Variants in UGGT2 observed in about 807,000 individuals in gnomAD.
The protein encoded by UGGT2 is UDP-glucose:glycoprotein glucosyltransferase 2.
UGGT2 carries 180 observed loss-of-function variants against 192.1 expected under a neutral mutation model. That is an observed-to-expected ratio of 0.94 (90% CI 0.83 to 1.06). UGGT2 has a LOEUF of 1.06. UGGT2 is among the 50% of genes least tolerant of loss of function. UGGT2 has a pLI of 0.00. For synonymous variants in UGGT2, 580 were observed against 591.0 expected (o/e 0.98, Z 0.27); for missense variants, 1,849 against 1,795.7 (o/e 1.03, Z -0.54).
Position 96,053,261 on chromosome 13 carries a change from C to A in UGGT2, c.52G>T (p.Ala18Ser). The A allele has an allele frequency of 6.4e-7, 1 of 1,570,050 alleles. No individual in the cohort carries two copies. Among genetic ancestry groups the A allele is most frequent in the Non-Finnish European group, 8.6e-7 (1 of 1,165,956 alleles). ...NVVRLLLGST[A>S]LWLSQLGSGT... The stretch of plus-strand genomic sequence containing the variant: ...GAGCCGAGCTGCGAAAGCCACAGCG[C>A]TGTGGAGCCTAGTAGCAGCCGCACC... The change falls in exon 1 of 39, where the codon GCG becomes TCG. Residue 18 changes from alanine to serine, a missense_variant. Physicochemically the swap from Ala to Ser is moderately conservative, Grantham distance 99. Transcript: ENST00000376747.
At position 95,884,504 on chromosome 13, in the gene UGGT2, A is replaced by T; in HGVS notation, c.3215T>A (p.Ile1072Asn). 2 of 1,610,816 alleles carry T rather than the reference A, an allele frequency of 1.2e-6. No individual in the cohort carries two copies. Among genetic ancestry groups the T allele is most frequent in the Non-Finnish European group, 8.5e-7 (1 of 1,178,838 alleles). Reference protein sequence around the residue: ...TVHSNCDLDNIHLKDTEKTVT... With the variant: ...TVHSNCDLDNNHLKDTEKTVT... ...ACAATAACTTACATCCTTTAAGTGA[A>T]TATTATCAAGGTCACAGTTGCTGTG... is the stretch of plus-strand genomic sequence containing the variant. Residue 1072 changes from isoleucine to asparagine, a missense_variant, in exon 27 of 39, where the codon ATT becomes AAT. Transcript: ENST00000376747.
At chr13:95,991,875 G>A (rs1039782125) in intron 7 of UGGT2, among the ~76,000 whole-genome samples, 1 of 152,178 alleles carries the variant, frequency 6.6e-6, no homozygotes, top group African/African-American at 2.4e-5. Context: ...CACTGTGGAA[G>A]ACTAATTTTG....
chr13:95,830,838 T>C (rs947454449), intron 38 of UGGT2, among the ~76,000 whole-genome samples: 22 of 152,202 alleles, frequency 1.4e-4, no homozygotes, highest in African/African-American at 3.9e-4. Context: ...CATATGTTTA[T>C]TGCGGCACTA....
intron 12 of UGGT2, among the ~76,000 whole-genome samples, chr13:95,968,665 G>C (rs2050667523): frequency 6.6e-6 from 1 of 152,122 alleles, no homozygotes; most frequent in South Asian, 2.1e-4. Flanking sequence ...GCTCCCAGAA[G>C]CCAAACAGAT....
intron 38 of UGGT2, among the ~76,000 whole-genome samples, chr13:95,828,080 A>G (rs773738167): frequency 2.6e-5 from 4 of 152,270 alleles, no homozygotes; most frequent in Non-Finnish European, 5.9e-5. Flanking sequence ...TTGAGTTTTC[A>G]TTCTGTTTCC....
At chr13:95,969,751 C>T (rs1291122917) in intron 12 of UGGT2, among the ~76,000 whole-genome samples, 1 of 152,208 alleles carries the variant, frequency 6.6e-6, no homozygotes, top group Non-Finnish European at 1.5e-5. Flanking sequence ...GAGGCCGCTG[C>T]AAATTGTTTC....
At chr13:95,881,970 A>G (rs954184937) in intron 27 of UGGT2, among the ~76,000 whole-genome samples, 2 of 150,174 alleles carry the variant, frequency 1.3e-5, no homozygotes, top group African/African-American at 4.9e-5. Flanking sequence ...GTGCCATGGC[A>G]CAGTCTTGGC....
intron 20 of UGGT2, among the ~76,000 whole-genome samples, chr13:95,924,686 G>A (rs1459338389): frequency 6.6e-6 from 1 of 152,022 alleles, no homozygotes; most frequent in Admixed American, 6.6e-5. Context: ...TTGTGGCTCA[G>A]TCTTTATCTC....
intron 5 of UGGT2, among the ~76,000 whole-genome samples, chr13:96,010,053 A>T (rs1187753281): frequency 6.6e-6 from 1 of 152,152 alleles, no homozygotes; most frequent in Non-Finnish European, 1.5e-5. Flanking sequence ...GTGGTACTGT[A>T]AACTAGTTCA....
chr13:95,823,190 C>T (rs986231836), intron 38 of UGGT2, among the ~76,000 whole-genome samples: 3 of 151,938 alleles, frequency 2.0e-5, no homozygotes, highest in Non-Finnish European at 1.5e-5. Context: ...TTTATTGAGA[C>T]TTGTTTTGTG....
intron 8 of UGGT2, among the ~76,000 whole-genome samples, chr13:95,987,083 C>G (rs1412611040): frequency 1.3e-5 from 2 of 152,074 alleles, no homozygotes; most frequent in Non-Finnish European, 2.9e-5. Flanking sequence ...CAGATTGTTT[C>G]TCCTTTAGCT....
chr13:96,024,632 T>C (rs2052610926), intron 2 of UGGT2, among the ~76,000 whole-genome samples: 1 of 152,234 alleles, frequency 6.6e-6, no homozygotes, highest in Non-Finnish European at 1.5e-5. Context: ...CCATTTGGTA[T>C]AGGCATCCAT....
intron 20 of UGGT2, among the ~76,000 whole-genome samples, chr13:95,917,759 A>C (rs772151045): frequency 6.6e-6 from 1 of 152,176 alleles, no homozygotes; most frequent in Non-Finnish European, 1.5e-5. Flanking sequence ...CTGGGGTTGC[A>C]ATCCTAGTTT....
intron 36 of UGGT2, among the ~76,000 whole-genome samples, chr13:95,845,331 G>C (rs569565170): frequency 1.5e-5 from 2 of 136,978 alleles, no homozygotes; most frequent in African/African-American, 5.3e-5. Context: ...GCCGCCTTCC[G>C]CAGTGTTTGT....
intron 29 of UGGT2, among the ~76,000 whole-genome samples, chr13:95,870,220 G>A (rs533163424): frequency 1.3e-3 from 200 of 152,282 alleles, no homozygotes; most frequent in African/African-American, 4.6e-3. Context: ...TTGTGGTAAG[G>A]TGGTGTATAT....
intron 12 of UGGT2, among the ~76,000 whole-genome samples, chr13:95,964,499 A>C (rs889494406): frequency 2.6e-5 from 4 of 152,214 alleles, no homozygotes; most frequent in Admixed American, 6.5e-5. Context: ...AAAGGAAAAA[A>C]AATCAACAGA....
At chr13:95,880,589 A>G (rs1238620098) in intron 27 of UGGT2, among the ~76,000 whole-genome samples, 1 of 152,204 alleles carries the variant, frequency 6.6e-6, no homozygotes, top group Non-Finnish European at 1.5e-5. Context: ...TTCTCTTTGT[A>G]CAGTTTGTTA....
At chr13:96,051,192 T>C (rs143388621) in intron 1 of UGGT2, among the ~76,000 whole-genome samples, 13 of 152,250 alleles carry the variant, frequency 8.5e-5, no homozygotes, top group East Asian at 5.8e-4. Context: ...GGGACATGCA[T>C]GCAGCTGGAA....
At chr13:95,821,237 C>A (rs536147573) in intron 38 of UGGT2, among the ~76,000 whole-genome samples, 36 of 152,238 alleles carry the variant, frequency 2.4e-4, no homozygotes, top group African/African-American at 8.2e-4. Context: ...TTCACCACAT[C>A]CATGCCAACA....
Sources: gnomAD v4.1 joint callset for allele counts (sites outside exome capture counted in the v4.1 genomes callset) on GRCh38, gnomAD v4.1.1 for gene constraint, MANE v1.5 for transcripts, NCBI Gene and HGNC (gene_info 2026-07-23, HGNC 2026-07-21) for gene names.